The following TONSL variants were observed in gnomAD, a reference collection of about 807,000 sequenced individuals.
The protein encoded by TONSL is tonsoku like, DNA repair protein.
Under a neutral mutation model 147.1 loss-of-function variants are expected in TONSL, and 112 were observed. The ratio of observed to expected loss-of-function variants is 0.76; its 90% confidence interval spans 0.65 to 0.89. The LOEUF (loss-of-function observed/expected upper bound fraction) is 0.89. TONSL is among the 40% of genes least tolerant of loss of function. The pLI is 0.00. For missense variants in TONSL, 1,883 were observed against 1,864.6 expected, an observed-to-expected ratio of 1.01 and a Z score of -0.18; for synonymous variants, 868 against 801.5, an observed-to-expected ratio of 1.08 and a Z score of -1.40.
In TONSL at chr8:144,436,612, G is replaced by A. The variant is rs138979218; in HGVS notation, c.1960C>T (p.Arg654Trp). The A allele has an allele frequency of 2.5e-5, 40 of 1,611,684 alleles. No homozygotes were observed. The highest frequency in any genetic ancestry group is 1.0e-4 in the Admixed American group (6 of 59,992). The change falls in exon 16 of 26, where the codon CGG (arginine) becomes TGG (tryptophan). Residue 654 changes from arginine to tryptophan, a missense_variant. Arg to Trp is a moderately radical substitution (Grantham distance 101, BLOSUM62 -3). Transcript: ENST00000409379. ...ATCTCCATGGCCCTGGCCTTCTGCCGCGTCTCCAGGTCCAGGTCCCTGCGG... is the reference window on the plus strand; with the variant it reads ...ATCTCCATGGCCCTGGCCTTCTGCCACGTCTCCAGGTCCAGGTCCCTGCGG... Reference protein sequence around the residue: ...LYRRDLDLETRQKARAMEMLL... With the variant: ...LYRRDLDLETWQKARAMEMLL...
chr8:144,431,044 C>A (rs1554878539), intron 24 of TONSL, 34 bp downstream of exon 24: 1 of 1,612,854 alleles, frequency 6.2e-7, no homozygotes, highest in Non-Finnish European at 8.5e-7. Flanking sequence ...AGATCAGACC[C>A]CCAGGTCAGC....
intron 3 of TONSL, among the ~76,000 whole-genome samples, chr8:144,443,613 G>A (rs1013687654): frequency 3.3e-5 from 5 of 152,244 alleles, no homozygotes; most frequent in African/African-American, 1.2e-4. Flanking sequence ...GAGCTTTTGG[G>A]ATGGGGCCTG....
At position 144,435,533 on chromosome 8, in the gene TONSL, AG is replaced by A; in HGVS notation, c.2792del (p.Pro931LeufsTer77). 6.4e-7 allele frequency: 1 copy of A among 1,551,580 alleles called. No individual in the cohort carries two copies. The highest frequency in any genetic ancestry group is 8.7e-7 in the Non-Finnish European group (1 of 1,147,328). On this transcript the variant is annotated frameshift_variant, in exon 18 of 26. Coordinates refer to ENST00000409379, the MANE Select transcript of TONSL (RefSeq NM_013432.5). LOFTEE classifies it high-confidence loss of function. ...AGQPLGPAPP[P>X]PIRVRVQVQD... Reference sequence around the variant, plus strand: ...GAACTTGAACTCGAACCCGGATGGGAGGGGGCGGGGCCGGACCCTGGCAGGT... The same window carrying A: ...GAACTTGAACTCGAACCCGGATGGGAGGGGCGGGGCCGGACCCTGGCAGGT...
Position 144,433,662 on chromosome 8 carries a change from A to G in TONSL, c.3485T>C (p.Leu1162Pro). ...LLHACPLLST[L>P]RLQACGFGPS... is the part of the protein sequence containing the mutation. ...GCCGAAGCCACACGCCTGCAGGCGC[A>G]GGGTGCTGAGTAAGGGGCAGGCGTG... Residue 1162 changes from leucine to proline, a missense_variant, in exon 22 of 26, where the codon CTG becomes CCG. Transcript: ENST00000409379. 5 of 1,613,180 alleles carry G rather than the reference A, an allele frequency of 3.1e-6. No individual in the cohort carries two copies. The highest frequency in any genetic ancestry group is 4.2e-6 in the Non-Finnish European group (5 of 1,179,942).
At position 144,435,666 on chromosome 8, in the gene TONSL, G is replaced by A; in HGVS notation, c.2767C>T (p.Gln923Ter). The stretch of plus-strand genomic sequence containing the variant: ...CAGGTCTGCATACCCACCAAGGGCT[G>A]GCCTGCCGCAGAGCTGTCCCCACTG... Reference protein sequence around the residue: ...EPSGDSSAAGQPLGPAPPPPI... With the variant: ...EPSGDSSAAG The change falls in exon 17 of 26, where the codon CAG becomes TAG. Residue 923 changes from glutamine (Q) to a stop codon, truncating the protein, a stop_gained. Transcript: ENST00000409379. LOFTEE classifies it high-confidence loss of function. 6.2e-7 allele frequency: 1 copy of A among 1,601,108 alleles called. No individual in the cohort carries two copies. The highest frequency in any genetic ancestry group is 8.5e-7 in the Non-Finnish European group (1 of 1,170,878).
In TONSL at chr8:144,433,758, C is replaced by G; in HGVS notation, c.3389G>C (p.Ser1130Thr). 6.4e-7 allele frequency: 1 copy of G among 1,573,190 alleles called. No individual in the cohort carries two copies. The highest frequency in any genetic ancestry group is 8.6e-7 in the Non-Finnish European group (1 of 1,160,360). ...CATGCTTAAGTCCAGCTCCTCCAAA[C>G]TCTGTGGAAGACACAGGCTGGCAGT... is the stretch of plus-strand genomic sequence containing the variant. ...MGLPGQATLQ[S>T]LEELDLSMNP... The change falls in exon 22 of 26, where the codon AGT becomes ACT. Residue 1130 changes from serine (S) to threonine (T), a missense_variant and splice_region_variant. Ser to Thr is a moderately conservative substitution (Grantham distance 58). Transcript: ENST00000409379.
intron 7 of TONSL, chr8:144,441,490 G>A (rs1461812471): frequency 1.4e-5 from 3 of 212,176 alleles, no homozygotes; most frequent in Admixed American, 1.0e-4. Flanking sequence ...TACTCGGGAG[G>A]CTGAGGCAGG....
At chr8:144,429,781 A>T (rs1823101480) in intron 25 of TONSL, among the ~76,000 whole-genome samples, 1 of 152,156 alleles carries the variant, frequency 6.6e-6, no homozygotes, top group African/African-American at 2.4e-5. Context: ...TTCCTGGAAA[A>T]GGCGGCCTGG....
rs1823323694 is a variant in TONSL, at chr8:144,433,876, G to A, written c.3387+102C>T. 2.7e-6 allele frequency: 4 copies of A among 1,461,470 alleles called. No homozygotes were observed. In the South Asian group the frequency reaches 5.7e-5, roughly 21 times the overall value. 90.5% of individuals were successfully genotyped at this position (1,461,470 alleles called of 1,614,324 possible). A position where few individuals can be genotyped will look rare whatever the true frequency, so the allele number is the denominator to read the frequency against. On this transcript the variant is annotated intron_variant, in intron 21 of 25. Transcript: ENST00000409379. The stretch of plus-strand genomic sequence containing the variant: ...GCCTGGCATAGCCTATTACAGCCGG[G>A]CACTGGCTGGCTCTCCCAACTACCC...
intron 1 of TONSL, 40 bp from the exon 2 acceptor site, chr8:144,444,315 T>TCCGGGG (rs1823828941): frequency 2.2e-6 from 3 of 1,340,102 alleles, no homozygotes; most frequent in African/African-American, 3.0e-5. Flanking sequence ...CGCGGCGGGG[T>TCCGGGG]CCGGGGCCGG....
intron 3 of TONSL, 119 bp downstream of exon 3, chr8:144,443,763 C>G: frequency 7.2e-7 from 1 of 1,387,332 alleles, no homozygotes; most frequent in Non-Finnish European, 9.7e-7. Flanking sequence ...GGCAAGGCTG[C>G]GTCAGGTCAG....
intron 10 of TONSL, 33 bp from the exon 11 acceptor site, chr8:144,440,243 G>T: frequency 6.4e-7 from 1 of 1,567,030 alleles, no homozygotes; most frequent in East Asian, 2.3e-5. Flanking sequence ...GCTCAGGACT[G>T]GGGGCTGTGG....
In TONSL at chr8:144,428,904, C is replaced by T; in HGVS notation, c.*239G>A. 2.5e-6 allele frequency: 1 copy of T among 394,952 alleles called. No homozygotes were observed. Among genetic ancestry groups the T allele is most frequent in the Non-Finnish European group, 4.5e-6 (1 of 222,316 alleles). The allele number at this position is 394,952 out of a possible 1,614,324, so 24.5% of individuals were successfully genotyped here. ...TCCCGGGTTCACGCCATTCTCCTGC[C>T]TCAGCCTCCGGAGTAGCTGGGACTA... is the stretch of plus-strand genomic sequence containing the variant. On this transcript the variant is annotated 3_prime_UTR_variant, in exon 26 of 26. Transcript: ENST00000409379.
rs745955520 is a variant in TONSL, at chr8:144,438,521, G to C, written c.1603C>G (p.Arg535Gly). Reference sequence around the variant, plus strand: ...CGCAGCTGGCCCTCGATGCAGGCTCGGTGCAGCAGGGTCTCCCCCATGTCG... The same window carrying C: ...CGCAGCTGGCCCTCGATGCAGGCTCCGTGCAGCAGGGTCTCCCCCATGTCG... ...RNDMGETLLH[R>G]ACIEGQLRRV... Residue 535 changes from arginine (R) to glycine (G), a missense_variant, in exon 13 of 26, where the codon CGA becomes GGA. Arg to Gly is a moderately radical substitution (Grantham distance 125). Transcript: ENST00000409379. The C allele has an allele frequency of 6.2e-7, 1 of 1,613,114 alleles. No homozygotes were observed. Among genetic ancestry groups the C allele is most frequent in the Non-Finnish European group, 8.5e-7 (1 of 1,179,932 alleles).
chr8:144,438,488 G>A lies in TONSL; in HGVS notation c.1636C>T (p.Gln546Ter). 1 of 1,612,952 alleles carries A rather than the reference G, an allele frequency of 6.2e-7. No individual in the cohort carries two copies. The highest frequency in any genetic ancestry group is 1.1e-5 in the South Asian group (1 of 91,084). Residue 546 changes from glutamine to a stop codon, truncating the protein, a stop_gained, in exon 13 of 26, where the codon CAG (glutamine) becomes TAG (stop). Coordinates refer to ENST00000409379, the MANE Select transcript of TONSL (RefSeq NM_013432.5). LOFTEE classifies it high-confidence loss of function. Reference sequence around the variant, plus strand: ...GGGCCCACCTGCCTCACAAGGTCCTGGACGCGGCGCAGCTGGCCCTCGATG... The same window carrying A: ...GGGCCCACCTGCCTCACAAGGTCCTAGACGCGGCGCAGCTGGCCCTCGATG... Reference protein sequence around the residue: ...ACIEGQLRRVQDLVRQGHPLN... With the variant: ...ACIEGQLRRV
rs1204123266 is a variant in TONSL, at chr8:144,436,936, CG to C, written c.1727-17del. 1 of 1,609,734 alleles carries C rather than the reference CG, an allele frequency of 6.2e-7. No individual in the cohort carries two copies. ...CGGACAATTTCTGCAGACCAGGAGA[CG>C]TAAGCCCAGCTCCCGATGCCCCGCC... On this transcript the variant is annotated splice_polypyrimidine_tract_variant and intron_variant, in intron 14 of 25. Transcript: ENST00000409379.
chr8:144,435,331 C>T (rs1823396420), intron 18 of TONSL, 143 bp downstream of exon 18: 1 of 1,237,138 alleles, frequency 8.1e-7, no homozygotes, highest in Admixed American at 2.9e-5. Flanking sequence ...CCACCAGCCC[C>T]TCTGCTATTC....
In TONSL at chr8:144,429,355, C is replaced by A. The variant is rs1464878552; in HGVS notation, c.3944-19G>T. On this transcript the variant is annotated intron_variant, in intron 25 of 25. Transcript: ENST00000409379. ...GCGCAGCCTGCGGAGGGGAAGAGGG[C>A]AGACCTCAGCGCTGCGGGGGCCGGC... 20 of 1,402,000 alleles carry A rather than the reference C, an allele frequency of 1.4e-5. No individual in the cohort carries two copies. The African/African-American group carries it at 3.0e-4, about 21-fold the overall frequency. The allele number at this position is 1,402,000 out of a possible 1,614,324, so 86.8% of individuals were successfully genotyped here. A position where few individuals can be genotyped will look rare whatever the true frequency, so the allele number is the denominator to read the frequency against.
Position 144,441,016 on chromosome 8 carries a change from A to G in TONSL, c.961T>C (p.Phe321Leu), listed in dbSNP as rs1448754777. ...CTGGGAAAGTCTCCTGCCTTGGAGAAGAGGTCCCCTAGCTGCTCACAGATG... is the reference window on the plus strand; with the variant it reads ...CTGGGAAAGTCTCCTGCCTTGGAGAGGAGGTCCCCTAGCTGCTCACAGATG... ...MVICEQLGDL[F>L]SKAGDFPRAA... Residue 321 changes from phenylalanine (F) to leucine (L), a missense_variant, in exon 8 of 26, where the codon TTC (phenylalanine) becomes CTC (leucine). Transcript: ENST00000409379. 6.2e-7 allele frequency: 1 copy of G among 1,613,172 alleles called. No individual in the cohort carries two copies. The highest frequency in any genetic ancestry group is 2.2e-5 in the East Asian group (1 of 44,874).
Sources: allele counts gnomAD v4.1 joint callset (sites outside exome capture counted in the v4.1 genomes callset), GRCh38; gene constraint gnomAD v4.1.1; transcripts MANE v1.5; gene names NCBI Gene and HGNC (gene_info 2026-07-23, HGNC 2026-07-21).